CGNL1: variants seen among roughly 807,000 people sequenced by gnomAD.
CGNL1 encodes cingulin like 1.
Under a neutral mutation model 141.2 loss-of-function variants are expected in CGNL1, and 132 were observed. The ratio of observed to expected loss-of-function variants is 0.93; its 90% CI spans 0.81 to 1.08. The LOEUF is 1.08. Among genes scored for constraint, CGNL1 ranks in the 50% least tolerant of loss-of-function variants. The probability of loss-of-function intolerance (pLI) is 0.00; values close to 1 mark genes in which losing one functional copy is unlikely to be tolerated. For synonymous variants in CGNL1, 690 were observed against 622.1 expected (o/e 1.11, Z -1.63); for missense variants, 1,870 against 1,588.6 (o/e 1.18, Z -3.01).
At chr15:57,378,362 T>TG (rs1454470850) in intron 1 of CGNL1, among the ~76,000 whole-genome samples, 2 of 88,932 alleles carry the variant, frequency 2.2e-5, no homozygotes, top group Admixed American at 1.2e-4. Context: ...GCCCTCTATG[T>TG]GTTTTTTTTT....
intron 10 of CGNL1, among the ~76,000 whole-genome samples, chr15:57,519,228 A>G (rs552909189): frequency 1.3e-5 from 2 of 152,324 alleles, no homozygotes; most frequent in East Asian, 1.9e-4. Flanking sequence ...ATGCTGCTTA[A>G]GTATCTCAGG....
At chr15:57,539,256 G>C (rs57900088) in intron 14 of CGNL1, among the ~76,000 whole-genome samples, 16,258 of 151,722 alleles carry the variant, frequency 0.11, 1,449 homozygotes, top group East Asian at 0.45. Context: ...TCTACCTTCC[G>C]TCCCTTTCTT....
intron 1 of CGNL1, among the ~76,000 whole-genome samples, chr15:57,396,512 A>G (rs7176781): frequency 0.24 from 37,138 of 151,996 alleles, 4,868 homozygotes; most frequent in East Asian, 0.57. Context: ...ACCTCAAGTG[A>G]TCTTCCTGCC....
chr15:57,466,373 G>T (rs1478618449), intron 8 of CGNL1, among the ~76,000 whole-genome samples: 1 of 152,176 alleles, frequency 6.6e-6, no homozygotes, highest in Non-Finnish European at 1.5e-5. Context: ...GTTCACAGCC[G>T]TTGGCTTATT....
intron 8 of CGNL1, among the ~76,000 whole-genome samples, chr15:57,513,745 C>T (rs923649815): frequency 3.9e-5 from 6 of 152,202 alleles, no homozygotes; most frequent in Non-Finnish European, 5.9e-5. Flanking sequence ...TGGTCTCAAA[C>T]TCCTGACCTC....
At chr15:57,466,331 A>G (rs976150812) in intron 8 of CGNL1, among the ~76,000 whole-genome samples, 17 of 152,300 alleles carry the variant, frequency 1.1e-4, no homozygotes, top group African/African-American at 4.1e-4. Context: ...TAGGGATGTG[A>G]ATGACTGCCA....
rs2063147099 is a variant in CGNL1 at position 57,439,026 on chromosome 15, C to G, written c.1027C>G (p.Arg343Gly). Residue 343 changes from arginine to glycine, a missense_variant, in exon 2 of 19, where the codon CGG becomes GGG. Coordinates refer to ENST00000281282, the MANE Select transcript of CGNL1 (RefSeq NM_032866.5). ...TATTCCCTTCCTGCCAGGAACTGGACGGGATATTGATACAGGATCAATTCC... is the reference window on the plus strand; with the variant it reads ...TATTCCCTTCCTGCCAGGAACTGGAGGGGATATTGATACAGGATCAATTCC... Reference protein sequence around the residue: ...RYIPFLPGTGRDIDTGSIPGV... With the variant: ...RYIPFLPGTGGDIDTGSIPGV... The G allele has an allele frequency of 6.2e-7, 1 of 1,614,086 alleles. No individual in the cohort carries two copies. The highest frequency in any genetic ancestry group is 1.1e-5 in the South Asian group (1 of 91,078).
chr15:57,434,874 A>G (rs1222946210), intron 1 of CGNL1, among the ~76,000 whole-genome samples: 2 of 152,178 alleles, frequency 1.3e-5, no homozygotes, highest in African/African-American at 4.8e-5. Flanking sequence ...TTCTTAGAAA[A>G]CTACTGGAAG....
chr15:57,475,329 T>C (rs1350555841), intron 8 of CGNL1, among the ~76,000 whole-genome samples: 1 of 125,286 alleles, frequency 8.0e-6, no homozygotes, highest in Non-Finnish European at 1.8e-5. Context: ...CCCTGTCACC[T>C]CCACAGAAGA....
intron 14 of CGNL1, among the ~76,000 whole-genome samples, chr15:57,543,244 ACGTGGCCGTCTTCC>A (rs374710960): frequency 0.14 from 20,442 of 146,252 alleles, 1,719 homozygotes; most frequent in Admixed American, 0.2. Flanking sequence ...GTCCATCTTC[ACGTGGCCGTCTTCC>A]CTGTGTACGT....
intron 1 of CGNL1, among the ~76,000 whole-genome samples, chr15:57,401,650 T>C (rs868805317): frequency 6.6e-6 from 1 of 152,194 alleles, no homozygotes; most frequent in Non-Finnish European, 1.5e-5. Context: ...TTAATACCTA[T>C]CCTTTTTTCT....
At chr15:57,526,932 T>A (rs1359512377) in intron 12 of CGNL1, among the ~76,000 whole-genome samples, 3 of 152,194 alleles carry the variant, frequency 2.0e-5, no homozygotes, top group Non-Finnish European at 4.4e-5. Context: ...TGTCATTCTT[T>A]CTGACCCTCA....
At chr15:57,476,492 CT>C (rs1250644744) in intron 8 of CGNL1, among the ~76,000 whole-genome samples, 2 of 152,076 alleles carry the variant, frequency 1.3e-5, no homozygotes, top group Admixed American at 6.5e-5. Flanking sequence ...TGCTTATTTA[CT>C]TGAGGTACTG....
intron 1 of CGNL1, among the ~76,000 whole-genome samples, chr15:57,425,522 C>G (rs1691121300): frequency 6.6e-6 from 1 of 152,178 alleles, no homozygotes; most frequent in South Asian, 2.1e-4. Context: ...GTGGGCGGAT[C>G]ACTTGAGGTC....
intron 8 of CGNL1, among the ~76,000 whole-genome samples, chr15:57,470,492 A>G (rs1446633596): frequency 6.6e-6 from 1 of 151,990 alleles, no homozygotes; most frequent in Non-Finnish European, 1.5e-5. Flanking sequence ...TGGGTAATGG[A>G]CAGATCTCTT....
intron 16 of CGNL1, 78 bp downstream of exon 16, chr15:57,544,675 G>C (rs1332165214): frequency 1.3e-6 from 2 of 1,516,188 alleles, no homozygotes; most frequent in Non-Finnish European, 1.8e-6. Context: ...TGTCACATTT[G>C]GGATCTGTCC....
intron 1 of CGNL1, among the ~76,000 whole-genome samples, chr15:57,392,955 TTAG>T (rs1369324654): frequency 4.6e-5 from 7 of 152,352 alleles, no homozygotes; most frequent in African/African-American, 1.2e-4. Flanking sequence ...TTGGCCAGTA[TTAG>T]TAGAAGAGTG....
intron 8 of CGNL1, among the ~76,000 whole-genome samples, chr15:57,479,125 G>T (rs1466823252): frequency 6.6e-6 from 1 of 152,174 alleles, no homozygotes; most frequent in Non-Finnish European, 1.5e-5. Flanking sequence ...TCCAGCTTTT[G>T]GGTCCCTGGT....
At chr15:57,406,583 A>G (rs971723569) in intron 1 of CGNL1, among the ~76,000 whole-genome samples, 1 of 152,166 alleles carries the variant, frequency 6.6e-6, no homozygotes, top group African/African-American at 2.4e-5. Context: ...GCATGGTAAC[A>G]TGGGTAAGTG....
Sources: allele counts gnomAD v4.1 joint callset (sites outside exome capture counted in the v4.1 genomes callset), GRCh38; gene constraint gnomAD v4.1.1; transcripts MANE v1.5; gene names NCBI Gene and HGNC (gene_info 2026-07-23, HGNC 2026-07-21).